MED13L: variants seen among roughly 807,000 people sequenced by gnomAD.
The protein encoded by MED13L is mediator complex subunit 13L.
MED13L carries 7 observed loss-of-function variants against 220.9 expected under a neutral mutation model. The observed-to-expected ratio is 0.03, with a 90% confidence interval of 0.02 to 0.06. MED13L has a LOEUF of 0.06. MED13L is among the 10% of genes least tolerant of loss of function. The probability of loss-of-function intolerance (pLI) is 1.00; values close to 1 mark genes in which losing one functional copy is unlikely to be tolerated. For synonymous variants in MED13L, 1,011 were observed against 1,015.2 expected (o/e 1.00, Z 0.08); for missense variants, 1,965 against 2,760.5 (o/e 0.71, Z 6.46).
chr12:115,978,646 A>G (rs1198794222), intron 23 of MED13L, among the ~76,000 whole-genome samples: 5 of 152,164 alleles, frequency 3.3e-5, no homozygotes, highest in African/African-American at 1.2e-4. Context: ...AAATTTTTAA[A>G]AAGAATTTCG....
intron 28 of MED13L, among the ~76,000 whole-genome samples, chr12:115,967,829 T>C (rs1876287818): frequency 6.6e-6 from 1 of 152,216 alleles, no homozygotes; most frequent in Non-Finnish European, 1.5e-5. Flanking sequence ...TTTTCGTTCC[T>C]ATCACAACCG....
intron 4 of MED13L, among the ~76,000 whole-genome samples, chr12:116,081,509 A>G (rs1565867547): frequency 6.6e-6 from 1 of 152,208 alleles, no homozygotes; most frequent in East Asian, 1.9e-4. Context: ...CTGTATTAAA[A>G]TAGTGGATAT....
chr12:115,959,556 C>T lies in MED13L; in HGVS notation c.*1710G>A, dbSNP rs1383450219. ...CAAAAGGCCTTGAGAATTTTCCTTT[C>T]TGATTAAGAAAAAATAGCACTGCAA... On this transcript the variant is annotated 3_prime_UTR_variant, in exon 31 of 31. Coordinates refer to ENST00000281928, the MANE Select transcript of MED13L (RefSeq NM_015335.5). 1.3e-5 allele frequency: 2 copies of T among 152,476 alleles called. No homozygotes were observed. The highest frequency in any genetic ancestry group is 2.4e-5 in the African/African-American group (1 of 41,430). The allele number at this position is 152,476 out of a possible 1,614,324, so 9.4% of individuals were successfully genotyped here.
intron 4 of MED13L, among the ~76,000 whole-genome samples, chr12:116,030,785 C>T (rs1029820914): frequency 5.3e-5 from 8 of 151,666 alleles, no homozygotes; most frequent in South Asian, 2.1e-4. Context: ...AACTTTATGC[C>T]GATAAATCTG....
intron 4 of MED13L, among the ~76,000 whole-genome samples, chr12:116,029,241 C>A (rs1880579101): frequency 1.8e-5 from 1 of 56,706 alleles, no homozygotes. Context: ...AGAAAAGCTT[C>A]TCTGAAAAAA....
At chr12:116,164,684 A>T (rs1879123903) in intron 2 of MED13L, among the ~76,000 whole-genome samples, 1 of 152,292 alleles carries the variant, frequency 6.6e-6, no homozygotes, top group South Asian at 2.1e-4. Context: ...AATTACACAC[A>T]CGACATCACA....
rs371390010 is a variant in MED13L at position 116,206,629 on chromosome 12, T to C, written c.310+30839A>G. 1.1e-4 allele frequency among the ~76,000 whole-genome samples: 16 copies of C among 152,246 alleles called. No homozygotes were observed. In the East Asian group the frequency reaches 2.9e-3, roughly 28 times the overall value. On this transcript the variant is annotated intron_variant, in intron 2 of 30. Transcript: ENST00000281928. ...GAAAAACAGCAAGTAGCCTTTTTTT[T>C]TCAAACACCTGTCCTCCTCTTATTA... is the stretch of plus-strand genomic sequence containing the variant.
chr12:116,269,957 T>C (rs1387453900), intron 1 of MED13L, among the ~76,000 whole-genome samples: 2 of 151,840 alleles, frequency 1.3e-5, no homozygotes, highest in Admixed American at 1.3e-4. Context: ...CAGTTTTCTT[T>C]TTTTTTTTCA....
intron 4 of MED13L, among the ~76,000 whole-genome samples, chr12:116,045,453 T>A (rs1592982433): frequency 6.6e-6 from 1 of 151,924 alleles, no homozygotes; most frequent in South Asian, 2.1e-4. Flanking sequence ...TAGATGGGGG[T>A]CTTTGGTGCT....
chr12:116,059,654 G>A (rs1592997151), intron 4 of MED13L, among the ~76,000 whole-genome samples: 1 of 152,084 alleles, frequency 6.6e-6, no homozygotes, highest in Non-Finnish European at 1.5e-5. Flanking sequence ...CTGACCTCAG[G>A]TGATCCGCCT....
chr12:116,021,841 G>C (rs894196844), intron 5 of MED13L, among the ~76,000 whole-genome samples: 1 of 152,076 alleles, frequency 6.6e-6, no homozygotes, highest in Non-Finnish European at 1.5e-5. Flanking sequence ...GTAATGCTCA[G>C]ATCAAAAGGA....
intron 4 of MED13L, among the ~76,000 whole-genome samples, chr12:116,084,515 G>A (rs1056938929): frequency 2.6e-5 from 4 of 152,056 alleles, no homozygotes; most frequent in Non-Finnish European, 4.4e-5. Flanking sequence ...TATTTCAATC[G>A]TGAAATTAAA....
Position 116,111,463 on chromosome 12 carries a change from C to T in MED13L, c.360G>A (p.Thr120=), listed in dbSNP as rs534984622. ...GATTGTGGATCGCTTTGAAGAGCAG[C>T]GTCCTACATTCATAGGAAAGGCCAT... The part of the protein sequence containing the change: ...WENGLSYECR[T]LLFKAIHNLL... The change falls in exon 3 of 31, where the codon ACG becomes ACA. Residue 120 remains threonine (T), a synonymous_variant. Transcript: ENST00000281928. 8 of 1,610,476 alleles carry T rather than the reference C, an allele frequency of 5.0e-6. No individual in the cohort carries two copies. Among genetic ancestry groups the T allele is most frequent in the South Asian group, 4.4e-5 (4 of 90,778 alleles).
intron 4 of MED13L, among the ~76,000 whole-genome samples, chr12:116,052,546 G>A (rs976867569): frequency 6.6e-6 from 1 of 152,148 alleles, no homozygotes. Context: ...ATCCTAAAAG[G>A]GTGTTAAATC....
Position 116,022,438 on chromosome 12 carries a change from AG to A in MED13L, c.625+17del. 6.2e-7 allele frequency: 1 copy of A among 1,613,392 alleles called. No homozygotes were observed. Among genetic ancestry groups the A allele is most frequent in the African/African-American group, 1.3e-5 (1 of 75,032 alleles). ...TCGGTGGCGGATAGGGGTGGAGAGCAGGAACACCCATACTTACCTTGAAATG... is the reference window on the plus strand; with the variant it reads ...TCGGTGGCGGATAGGGGTGGAGAGCAGAACACCCATACTTACCTTGAAATG... On this transcript the variant is annotated intron_variant, in intron 5 of 30. Coordinates refer to ENST00000281928, the MANE Select transcript of MED13L (RefSeq NM_015335.5).
chr12:116,006,808 G>T, intron 11 of MED13L: 1 of 204,874 alleles, frequency 4.9e-6, no homozygotes, highest in Non-Finnish European at 9.9e-6. Context: ...AACTATACCG[G>T]CCTCTTATAA....
chr12:115,990,275 C>T (rs1027350908), intron 17 of MED13L, among the ~76,000 whole-genome samples: 11 of 152,164 alleles, frequency 7.2e-5, no homozygotes, highest in South Asian at 2.1e-4. Context: ...TAGAGTGCCC[C>T]GTCTATCCCA....
At chr12:116,073,124 T>C (rs1438825668) in intron 4 of MED13L, among the ~76,000 whole-genome samples, 6 of 152,244 alleles carry the variant, frequency 3.9e-5, no homozygotes, top group Non-Finnish European at 8.8e-5. Flanking sequence ...AGGTAAAGAA[T>C]GTGACTTCTG....
At chr12:116,132,534 A>G (rs1323959546) in intron 2 of MED13L, among the ~76,000 whole-genome samples, 1 of 151,942 alleles carries the variant, frequency 6.6e-6, no homozygotes, top group Admixed American at 6.6e-5. Context: ...CTATTTCCAC[A>G]TGGAAATGTG....
Sources: gnomAD v4.1 joint callset for allele counts (sites outside exome capture counted in the v4.1 genomes callset) on GRCh38, gnomAD v4.1.1 for gene constraint, MANE v1.5 for transcripts, NCBI Gene and HGNC (gene_info 2026-07-23, HGNC 2026-07-21) for gene names.